IPO9: variants seen among roughly 807,000 people sequenced by gnomAD.
IPO9 encodes importin 9.
In IPO9, 28 loss-of-function variants were observed where a neutral mutation model predicts 128.6. The ratio of observed to expected loss-of-function variants is 0.22; its 90% CI spans 0.16 to 0.30. IPO9 has a LOEUF of 0.30. IPO9 is among the 10% of genes least tolerant of loss of function. IPO9 has a pLI of 1.00. For synonymous variants in IPO9, 455 were observed against 475.8 expected (o/e 0.96, Z 0.57); for missense variants, 935 against 1,293.9 (o/e 0.72, Z 4.26).
chr1:201,846,733 G>A (rs549697782), intron 1 of IPO9, among the ~76,000 whole-genome samples: 7 of 151,978 alleles, frequency 4.6e-5, no homozygotes, highest in African/African-American at 7.2e-5. Flanking sequence ...ACAATGGTGC[G>A]ATCTCAGCTC....
chr1:201,854,500 C>T, intron 6 of IPO9, 95 bp from the exon 7 acceptor site: 3 of 1,487,392 alleles, frequency 2.0e-6, no homozygotes, highest in Non-Finnish European at 2.7e-6. Context: ...CTGAAGAGAG[C>T]TTTAGGTGCC....
intron 8 of IPO9, 56 bp from the exon 9 acceptor site, chr1:201,855,068 A>G (rs367713258): frequency 7.5e-7 from 1 of 1,335,614 alleles, no homozygotes; most frequent in Non-Finnish European, 1.1e-6. Context: ...TAACATTTCC[A>G]TGTAGATTAT....
At chr1:201,855,313 C>T (rs1234680330) in intron 9 of IPO9, 131 bp downstream of exon 9, 3 of 583,892 alleles carry the variant, frequency 5.1e-6, no homozygotes, top group African/African-American at 1.8e-5. Context: ...AGTTTATTTT[C>T]GATGTATTCG....
intron 1 of IPO9, among the ~76,000 whole-genome samples, chr1:201,846,815 A>G (rs1288191884): frequency 1.3e-5 from 2 of 152,158 alleles, no homozygotes; most frequent in South Asian, 2.1e-4. Context: ...GATTACAGCC[A>G]TGCATCACCA....
intron 6 of IPO9, among the ~76,000 whole-genome samples, chr1:201,853,764 G>T (rs1042150916): frequency 2.6e-5 from 4 of 152,098 alleles, no homozygotes; most frequent in African/African-American, 9.7e-5. Flanking sequence ...TTTAGAGATG[G>T]AGTCTCGCTC....
Position 201,874,887 on chromosome 1 carries a change from T to C in IPO9, c.2889T>C (p.Asp963=), listed in dbSNP as rs762932817. 7 of 1,613,768 alleles carry C rather than the reference T, an allele frequency of 4.3e-6. No homozygotes were observed. The South Asian group carries it at 7.7e-5, about 18-fold the overall frequency. Residue 963 remains aspartate, a synonymous_variant, in exon 22 of 24, where the codon GAT becomes GAC. Coordinates refer to ENST00000361565, the MANE Select transcript of IPO9 (RefSeq NM_018085.5). ...DQEEEEEEEE[D]GLAGQLLSDI... ...AGGAGGAAGAGGAGGAGGAGGAGGA[T>C]GGTTTAGCTGGCCAACTTTTATCTG...
At chr1:201,841,559 A>G (rs141449200) in intron 1 of IPO9, among the ~76,000 whole-genome samples, 397 of 152,352 alleles carry the variant, frequency 2.6e-3, no homozygotes, top group African/African-American at 8.4e-3. Context: ...TCCTGTAGCA[A>G]TGAACATACC....
At chr1:201,834,259 G>T (rs1679887242) in intron 1 of IPO9, among the ~76,000 whole-genome samples, 1 of 138,986 alleles carries the variant, frequency 7.2e-6, no homozygotes, top group Non-Finnish European at 1.6e-5. Flanking sequence ...TTCTAATTCT[G>T]TTTTGTTTAA....
In IPO9 at chr1:201,855,883, G is replaced by A; in HGVS notation, c.1071G>A (p.Leu357=). The part of the protein sequence containing the change: ...SKFKSTVKKA[L]PELIYYIILY... ...TCAAAAGCACTGTTAAGAAAGCCTT[G>A]CCTGAATTGATTTATTATATTATCC... The change falls in exon 10 of 24, where the codon TTG becomes TTA. Residue 357 remains leucine, a synonymous_variant. Transcript: ENST00000361565. The A allele has an allele frequency of 6.2e-7, 1 of 1,611,604 alleles. No homozygotes were observed. The highest frequency in any genetic ancestry group is 8.5e-7 in the Non-Finnish European group (1 of 1,179,384).
At chr1:201,832,929 G>A (rs917250044) in intron 1 of IPO9, among the ~76,000 whole-genome samples, 1 of 152,216 alleles carries the variant, frequency 6.6e-6, no homozygotes, top group Non-Finnish European at 1.5e-5. Context: ...AAAAGGACAG[G>A]CAAGAGAAGT....
chr1:201,847,210 G>T, intron 1 of IPO9, 69 bp from the exon 2 acceptor site: 1 of 1,106,060 alleles, frequency 9.0e-7, no homozygotes, highest in African/African-American at 1.5e-5. Flanking sequence ...TTGGCATCAG[G>T]GTTAGAGCTT....
chr1:201,829,538 AG>A (rs1679789488), intron 1 of IPO9, 166 bp downstream of exon 1: 1 of 405,246 alleles, frequency 2.5e-6, no homozygotes, highest in Non-Finnish European at 3.5e-6. Flanking sequence ...TGAAAGTCCG[AG>A]AGAGGAGAGG....
chr1:201,836,854 CTG>C (rs1224110307), intron 1 of IPO9, among the ~76,000 whole-genome samples: 1 of 152,150 alleles, frequency 6.6e-6, no homozygotes, highest in Non-Finnish European at 1.5e-5. Flanking sequence ...ATTTTTGAAA[CTG>C]TAGGGGTCTG....
intron 4 of IPO9, among the ~76,000 whole-genome samples, chr1:201,851,079 T>C (rs1201622603): frequency 6.6e-6 from 1 of 152,052 alleles, no homozygotes; most frequent in Non-Finnish European, 1.5e-5. Flanking sequence ...ACAGTGGCAC[T>C]GTTGTAGCTC....
chr1:201,832,185 G>A (rs1679848666), intron 1 of IPO9, among the ~76,000 whole-genome samples: 1 of 151,896 alleles, frequency 6.6e-6, no homozygotes, highest in Non-Finnish European at 1.5e-5. Flanking sequence ...ACAGCCGTGA[G>A]CCACTGCACC....
Position 201,874,326 on chromosome 1 carries a change from G to A in IPO9, c.2787G>A (p.Met929Ile). ...KLIINELSNV[M>I]EANAARQATP... Reference sequence around the variant, plus strand: ...TCATCAACGAGCTCTCCAACGTCATGGAGGCTAATGCCGCTCGCCAGGCCA... The same window carrying A: ...TCATCAACGAGCTCTCCAACGTCATAGAGGCTAATGCCGCTCGCCAGGCCA... Residue 929 changes from methionine (M) to isoleucine (I), a missense_variant, in exon 21 of 24, where the codon ATG becomes ATA. Met to Ile is a conservative substitution (Grantham distance 10). Transcript: ENST00000361565. 1 of 1,614,072 alleles carries A rather than the reference G, an allele frequency of 6.2e-7. No homozygotes were observed. The highest frequency in any genetic ancestry group is 1.1e-5 in the South Asian group (1 of 91,072).
intron 21 of IPO9, 82 bp from the exon 22 acceptor site, chr1:201,874,750 C>A: frequency 1.0e-6 from 1 of 963,856 alleles, no homozygotes; most frequent in Non-Finnish European, 1.7e-6. Flanking sequence ...CTTTGGGGCC[C>A]TTCTATTCTG....
intron 4 of IPO9, chr1:201,850,749 C>T (rs578026996): frequency 6.6e-6 from 1 of 152,190 alleles, no homozygotes; most frequent in Non-Finnish European, 1.5e-5. Context: ...GTTATTATGC[C>T]ATCTATCATA....
intron 13 of IPO9, among the ~76,000 whole-genome samples, chr1:201,861,143 G>T (rs1295676146): frequency 6.6e-6 from 1 of 152,148 alleles, no homozygotes; most frequent in African/African-American, 2.4e-5. Flanking sequence ...TCCAGCCTGG[G>T]CAACAGAGCG....
Sources: allele counts gnomAD v4.1 joint callset (sites outside exome capture counted in the v4.1 genomes callset), GRCh38; gene constraint gnomAD v4.1.1; transcripts MANE v1.5; gene names NCBI Gene and HGNC (gene_info 2026-07-23, HGNC 2026-07-21).